The following SOS1 variants were observed in gnomAD, a reference collection of about 807,000 sequenced individuals.
SOS1 encodes the protein son of sevenless homolog 1.
A neutral mutation model predicts 157.6 loss-of-function variants in SOS1; 25 were observed. The observed-to-expected ratio is 0.16, with a 90% CI of 0.12 to 0.22. SOS1 has a LOEUF of 0.22. SOS1 is among the 10% of genes least tolerant of loss of function. SOS1 has a pLI of 1.00. For missense variants in SOS1, 1,237 were observed against 1,599.1 expected (o/e 0.77, Z 3.86); for synonymous variants, 528 against 534.0 (o/e 0.99, Z 0.16).
chr2:39,113,048 A>AG (rs1218640828), intron 1 of SOS1, among the ~76,000 whole-genome samples: 1 of 151,892 alleles, frequency 6.6e-6, no homozygotes, highest in Non-Finnish European at 1.5e-5. Flanking sequence ...AAAAAAAAAA[A>AG]GAAAAGAAAA....
rs138300777 is a variant in SOS1 at position 39,094,851 on chromosome 2, A to G, written c.87+25485T>C. Among the ~76,000 whole-genome samples, 1,182 of 152,308 alleles carry G rather than the reference A, an allele frequency of 7.8e-3. 7 individuals carry two copies. Among genetic ancestry groups the G allele is most frequent in the Middle Eastern group, 0.014 (4 of 294 alleles). On this transcript the variant is annotated intron_variant, in intron 1 of 22. Coordinates refer to ENST00000402219, the MANE Select transcript of SOS1 (RefSeq NM_005633.4). Reference sequence around the variant, plus strand: ...TAACTTAGCCACATACAGCCTCTTTATAAGGATACATTGCTACTTTTCCCT... The same window carrying G: ...TAACTTAGCCACATACAGCCTCTTTGTAAGGATACATTGCTACTTTTCCCT...
chr2:39,013,823 A>C (rs111576630), intron 12 of SOS1, 44 bp downstream of exon 12: 15 of 1,571,788 alleles, frequency 9.5e-6, no homozygotes, highest in African/African-American at 9.5e-5. Flanking sequence ...CATTGAAACG[A>C]AAGTTTGATA....
At chr2:39,117,153 C>A (rs1052700145) in intron 1 of SOS1, among the ~76,000 whole-genome samples, 2 of 151,792 alleles carry the variant, frequency 1.3e-5, no homozygotes, top group Non-Finnish European at 2.9e-5. Context: ...CTCAGCCTCC[C>A]GAGTAGCTGG....
chr2:39,047,157 GT>G (rs1179697695), intron 6 of SOS1, among the ~76,000 whole-genome samples: 2 of 152,146 alleles, frequency 1.3e-5, no homozygotes, highest in East Asian at 3.9e-4. Flanking sequence ...AAAGATACAT[GT>G]TTCTGAACTT....
intron 1 of SOS1, among the ~76,000 whole-genome samples, chr2:39,075,911 C>T (rs1032378031): frequency 6.6e-6 from 1 of 152,174 alleles, no homozygotes; most frequent in South Asian, 2.1e-4. Context: ...AGAAATAAAA[C>T]ATTTCTAATG....
rs1670277417 is a variant in SOS1 at position 39,034,554 on chromosome 2, GA to G, written c.1074+657del. On this transcript the variant is annotated intron_variant, in intron 8 of 22. Transcript: ENST00000402219. ...GAATATCACTTTGAGCTACACTATT[GA>G]ATTATAATTTATACAGACTTTTATT... is the stretch of plus-strand genomic sequence containing the variant. 3.9e-5 allele frequency among the ~76,000 whole-genome samples: 6 copies of G among 152,204 alleles called. No individual in the cohort carries two copies. The South Asian group carries it at 1.2e-3, about 32-fold the overall frequency.
intron 1 of SOS1, among the ~76,000 whole-genome samples, chr2:39,109,072 G>A (rs1038985600): frequency 1.3e-5 from 2 of 152,084 alleles, no homozygotes; most frequent in Non-Finnish European, 2.9e-5. Flanking sequence ...GGTGGCATGT[G>A]TCTGCTGTCC....
At position 39,036,512 on chromosome 2, in the gene SOS1, G is replaced by C. The variant is rs1222398656; in HGVS notation, c.865-1012C>G. Among the ~76,000 whole-genome samples the C allele has an allele frequency of 2.0e-5, 3 of 152,036 alleles. No homozygotes were observed. In the East Asian group the frequency reaches 5.8e-4, roughly 29 times the overall value. On this transcript the variant is annotated intron_variant, in intron 6 of 22. Coordinates refer to ENST00000402219, the MANE Select transcript of SOS1 (RefSeq NM_005633.4). ...ACCACAGGCGCACACCACCGCGCCT[G>C]GTTACATTTTTTGTGTATTTTGTAG...
chr2:39,081,644 G>T (rs1251292808), intron 1 of SOS1, among the ~76,000 whole-genome samples: 3 of 151,996 alleles, frequency 2.0e-5, no homozygotes, highest in African/African-American at 7.3e-5. Flanking sequence ...GGCCAACATG[G>T]CGAAACGCCG....
chr2:38,998,744 G>C (rs1558461569), intron 17 of SOS1, among the ~76,000 whole-genome samples: 2 of 152,172 alleles, frequency 1.3e-5, no homozygotes, highest in Non-Finnish European at 2.9e-5. Flanking sequence ...GTTGCATCTT[G>C]CCCTAATATT....
intron 1 of SOS1, among the ~76,000 whole-genome samples, chr2:39,113,827 G>A (rs1282526786): frequency 6.6e-6 from 1 of 152,182 alleles, no homozygotes; most frequent in Non-Finnish European, 1.5e-5. Context: ...AAGCAAAAAT[G>A]TCTTACCCAA....
chr2:39,024,653 C>T (rs1322986152), intron 8 of SOS1, among the ~76,000 whole-genome samples: 6 of 151,998 alleles, frequency 3.9e-5, no homozygotes, highest in Non-Finnish European at 8.8e-5. Context: ...TTCTGTGTGA[C>T]CTTGGGGCAA....
intron 6 of SOS1, among the ~76,000 whole-genome samples, chr2:39,045,150 A>C (rs1670719528): frequency 1.3e-5 from 2 of 152,012 alleles, no homozygotes; most frequent in South Asian, 2.1e-4. Context: ...ATTTTTCCCC[A>C]AAAATATTTT....
At chr2:39,102,267 A>G (rs1415962759) in intron 1 of SOS1, among the ~76,000 whole-genome samples, 1 of 148,684 alleles carries the variant, frequency 6.7e-6, no homozygotes. Flanking sequence ...TCATACCTGT[A>G]AACCCAGCAC....
intron 20 of SOS1, among the ~76,000 whole-genome samples, chr2:38,991,394 C>T (rs1433679651): frequency 1.3e-5 from 2 of 152,100 alleles, no homozygotes; most frequent in Non-Finnish European, 2.9e-5. Flanking sequence ...TTAAAGAGTC[C>T]CCTAAGGGAT....
chr2:39,110,097 T>C (rs1210394232), intron 1 of SOS1, among the ~76,000 whole-genome samples: 2 of 151,184 alleles, frequency 1.3e-5, no homozygotes, highest in Non-Finnish European at 2.9e-5. Flanking sequence ...TGTATGTATA[T>C]AGTCATCCCT....
chr2:39,112,344 C>A (rs1673472544), intron 1 of SOS1, among the ~76,000 whole-genome samples: 1 of 152,180 alleles, frequency 6.6e-6, no homozygotes, highest in East Asian at 1.9e-4. Flanking sequence ...CTCTCCCTCT[C>A]TCTCTTGCTC....
chr2:39,014,716 C>G (rs1361892842), intron 11 of SOS1, 49 bp downstream of exon 11: 2 of 1,054,496 alleles, frequency 1.9e-6, no homozygotes, highest in Middle Eastern at 2.8e-4. Flanking sequence ...AGCTCAATCT[C>G]TTTTTTAACA....
intron 1 of SOS1, among the ~76,000 whole-genome samples, chr2:39,070,734 T>A (rs543646877): frequency 1.8e-4 from 27 of 152,342 alleles, no homozygotes; most frequent in African/African-American, 6.0e-4. Context: ...CTAGAAAATG[T>A]AGCTATAATT....
Sources: gnomAD v4.1 joint callset for allele counts (sites outside exome capture counted in the v4.1 genomes callset) on GRCh38, gnomAD v4.1.1 for gene constraint, MANE v1.5 for transcripts, NCBI Gene and HGNC (gene_info 2026-07-23, HGNC 2026-07-21) for gene names.